The following COL17A1 variants were observed in gnomAD, a reference collection of about 807,000 sequenced individuals.
COL17A1 encodes the protein collagen type XVII alpha 1 chain, also known as collagen alpha-1(XVII) chain.
COL17A1 carries 181 observed loss-of-function variants against 218.4 expected under a neutral mutation model. That is an observed-to-expected ratio of 0.83 (90% CI 0.73 to 0.94). The LOEUF (loss-of-function observed/expected upper bound fraction) is 0.94, where lower values mean the gene tolerates loss of function less well. COL17A1 is among the 40% of genes least tolerant of loss of function. The pLI is 0.00. For synonymous variants in COL17A1, 721 were observed against 731.0 expected (o/e 0.99, Z 0.22); for missense variants, 1,924 against 1,945.9 (o/e 0.99, Z 0.21).
intron 46 of COL17A1, 150 bp from the exon 47 acceptor site, chr10:104,037,263 A>G (rs959834689): frequency 1.3e-4 from 103 of 771,072 alleles, no homozygotes; most frequent in Non-Finnish European, 1.9e-4. Flanking sequence ...TGAAAGCATA[A>G]CAAAGTCAAA....
At chr10:104,051,962 T>A (rs2086473650) in intron 24 of COL17A1, among the ~76,000 whole-genome samples, 193 bp downstream of exon 24, 1 of 152,146 alleles carries the variant, frequency 6.6e-6, no homozygotes, top group East Asian at 1.9e-4. Flanking sequence ...GGGGCTAAAC[T>A]TACAGCCCTA....
Position 104,054,536 on chromosome 10 carries a change from G to A in COL17A1, c.1745-418C>T, listed in dbSNP as rs191282507. 1.1e-4 allele frequency among the ~76,000 whole-genome samples: 17 copies of A among 152,188 alleles called. No homozygotes were observed. In the South Asian group the frequency reaches 3.1e-3, roughly 28 times the overall value. ...GGATCTGAAGGGAAAGAAGAGACTCGAGGGCCCCAAAGTGGAGGAGCTGAC... is the reference window on the plus strand; with the variant it reads ...GGATCTGAAGGGAAAGAAGAGACTCAAGGGCCCCAAAGTGGAGGAGCTGAC... On this transcript the variant is annotated intron_variant, in intron 20 of 55. Coordinates refer to ENST00000648076, the MANE Select transcript of COL17A1 (RefSeq NM_000494.4).
chr10:104,043,447 C>T, intron 35 of COL17A1, 54 bp downstream of exon 35: 1 of 1,478,962 alleles, frequency 6.8e-7, no homozygotes, highest in Non-Finnish European at 9.4e-7. Flanking sequence ...TGGCTAGAGT[C>T]ACTACCGCCA....
rs578078310 is a variant in COL17A1, at chr10:104,036,879, C to G, written c.3277+166G>C. 3.9e-5 allele frequency among the ~76,000 whole-genome samples: 6 copies of G among 152,312 alleles called. No individual in the cohort carries two copies. The South Asian group carries it at 1.2e-3, about 32-fold the overall frequency. On this transcript the variant is annotated intron_variant, in intron 47 of 55. Transcript: ENST00000648076. Reference sequence around the variant, plus strand: ...TCCTGCCCCCTTTCCAGCCGGTTTGCTGACTCAGCAAGCAGATCAGAGCAG... The same window carrying G: ...TCCTGCCCCCTTTCCAGCCGGTTTGGTGACTCAGCAAGCAGATCAGAGCAG...
At chr10:104,042,754 T>C (rs961870831) in intron 35 of COL17A1, among the ~76,000 whole-genome samples, 15 of 152,370 alleles carry the variant, frequency 9.8e-5, no homozygotes, top group African/African-American at 3.6e-4. Flanking sequence ...GAGGGAAGGC[T>C]GGTACATTCT....
intron 19 of COL17A1, 42 bp downstream of exon 19, chr10:104,055,330 G>A (rs910333225): frequency 1.2e-6 from 2 of 1,613,790 alleles, no homozygotes; most frequent in Non-Finnish European, 1.7e-6. Context: ...ACTTCCAACT[G>A]CAGGAAATGA....
Position 104,050,738 on chromosome 10 carries a change from G to T in COL17A1, c.2093-82C>A, listed in dbSNP as rs549690473. The stretch of plus-strand genomic sequence containing the variant: ...GGGCAATGTCTGTCTCTGAAGACAG[G>T]CTCCCTCAATCCTGACTTCTTCTTC... On this transcript the variant is annotated intron_variant, in intron 26 of 55. Transcript: ENST00000648076. The T allele has an allele frequency of 4.3e-6, 7 of 1,613,622 alleles. No individual in the cohort carries two copies. The African/African-American group carries it at 8.0e-5, about 18-fold the overall frequency.
intron 31 of COL17A1, 146 bp from the exon 32 acceptor site, chr10:104,046,919 A>G (rs1410344497): frequency 1.3e-6 from 1 of 764,268 alleles, no homozygotes; most frequent in Admixed American, 2.0e-5. Context: ...GGCAGCCAGC[A>G]TCCTTGGACC....
chr10:104,046,490 C>A (rs1174768336), intron 32 of COL17A1, among the ~76,000 whole-genome samples: 2 of 152,168 alleles, frequency 1.3e-5, no homozygotes, highest in Non-Finnish European at 2.9e-5. Flanking sequence ...CAGATTCCTG[C>A]ACCCGAGGGG....
chr10:104,033,445 GCCCT>G, intron 52 of COL17A1, 70 bp from the exon 53 acceptor site: 1 of 1,557,762 alleles, frequency 6.4e-7, no homozygotes, highest in Non-Finnish European at 8.7e-7. Context: ...GGAGCACAGT[GCCCT>G]CCGAGTGTCA....
intron 50 of COL17A1, 134 bp from the exon 51 acceptor site, chr10:104,034,901 G>T: frequency 9.1e-7 from 1 of 1,104,564 alleles, no homozygotes; most frequent in Non-Finnish European, 1.3e-6. Context: ...GATGGGAGGA[G>T]AGAAAAGCAG....
chr10:104,055,270 T>A (rs1012076803), intron 19 of COL17A1, 102 bp downstream of exon 19: 1 of 1,577,538 alleles, frequency 6.3e-7, no homozygotes, highest in East Asian at 2.2e-5. Flanking sequence ...CAGCTCTTCA[T>A]CCTTCCATTT....
Position 104,045,776 on chromosome 10 carries a change from C to T in COL17A1, c.2380G>A (p.Gly794Ser). ...CACTTACCTTTTATTCCTGGTCGGC[C>T]AGGGGTACCGGGAAGTCCTGATGTG... ...QGPQGLPGTPGRPGIKGEPGA... is the reference protein window; with the variant it reads ...QGPQGLPGTPSRPGIKGEPGA... The change falls in exon 33 of 56, where the codon GGC (glycine) becomes AGC (serine). Residue 794 changes from glycine to serine, a missense_variant. Gly to Ser is a moderately conservative substitution (Grantham distance 56). Transcript: ENST00000648076. 1 of 1,612,854 alleles carries T rather than the reference C, an allele frequency of 6.2e-7. No homozygotes were observed. Among genetic ancestry groups the T allele is most frequent in the Non-Finnish European group, 8.5e-7 (1 of 1,178,788 alleles).
chr10:104,084,972 A>G (rs2086793874), intron 1 of COL17A1, among the ~76,000 whole-genome samples: 2 of 152,376 alleles, frequency 1.3e-5, no homozygotes, highest in South Asian at 4.1e-4. Context: ...ATAATTTGTC[A>G]GTTACCAGTT....
At chr10:104,074,274 C>T in intron 5 of COL17A1, 43 bp from the exon 6 acceptor site, 1 of 1,613,998 alleles carries the variant, frequency 6.2e-7, no homozygotes, top group African/African-American at 1.3e-5. Flanking sequence ...GCCTCTTAGG[C>T]CCATAAAGCT....
intron 52 of COL17A1, 63 bp from the exon 53 acceptor site, chr10:104,033,438 G>T: frequency 1.3e-6 from 2 of 1,576,172 alleles, no homozygotes; most frequent in Non-Finnish European, 1.7e-6. Flanking sequence ...TTCAGCAGGA[G>T]CACAGTGCCC....
chr10:104,061,036 G>A (rs933998354), intron 13 of COL17A1, among the ~76,000 whole-genome samples: 1 of 152,210 alleles, frequency 6.6e-6, no homozygotes, highest in African/African-American at 2.4e-5. Context: ...TATAGATTTT[G>A]TAGAAAGCAG....
chr10:104,039,770 A>C (rs1163102040), intron 41 of COL17A1, 130 bp from the exon 42 acceptor site: 1 of 806,242 alleles, frequency 1.2e-6, no homozygotes, highest in East Asian at 3.0e-5. Flanking sequence ...GAGATGCCAC[A>C]CACACACACA....
chr10:104,034,579 C>A, intron 51 of COL17A1, 42 bp downstream of exon 51: 1 of 1,598,140 alleles, frequency 6.3e-7, no homozygotes. Flanking sequence ...AAAAGCAAGG[C>A]CTGCGGGGTG....
Sources: gnomAD v4.1 joint callset for allele counts (sites outside exome capture counted in the v4.1 genomes callset) on GRCh38, gnomAD v4.1.1 for gene constraint, MANE v1.5 for transcripts, NCBI Gene and HGNC (gene_info 2026-07-23, HGNC 2026-07-21) for gene names.